REV1: variants seen among roughly 807,000 people sequenced by gnomAD.
REV1 encodes the protein translesion synthesis protein REV1.
Under a neutral mutation model 137.4 loss-of-function variants are expected in REV1, and 42 were observed. That is an observed-to-expected ratio of 0.31 (90% CI 0.24 to 0.40). The LOEUF is 0.40. Ranked by LOEUF, REV1 falls within the 10% of genes least tolerant of loss-of-function variation. The pLI, the probability that REV1 is intolerant of heterozygous loss-of-function variation, is 1.00. For synonymous variants in REV1, 524 were observed against 519.2 expected, an observed-to-expected ratio of 1.01 and a Z score of -0.12; for missense variants, 1,282 against 1,490.1, an observed-to-expected ratio of 0.86 and a Z score of 2.30.
intron 1 of REV1, among the ~76,000 whole-genome samples, chr2:99,468,084 G>A: frequency 6.6e-6 from 1 of 152,050 alleles, no homozygotes; most frequent in East Asian, 1.9e-4. Flanking sequence ...GAAGGCTGAG[G>A]CAGGAGAATC....
intron 12 of REV1, among the ~76,000 whole-genome samples, chr2:99,414,520 C>T (rs1677595442): frequency 6.6e-6 from 1 of 151,842 alleles, no homozygotes; most frequent in African/African-American, 2.4e-5. Context: ...TTAAGTGAAA[C>T]CTAAGTGCTT....
chr2:99,446,758 G>A (rs945426538), intron 4 of REV1, among the ~76,000 whole-genome samples: 1 of 152,118 alleles, frequency 6.6e-6, no homozygotes, highest in Non-Finnish European at 1.5e-5. Context: ...CTCCCAAAGT[G>A]GGGGGATTAC....
chr2:99,421,144 C>T (rs910133746), intron 11 of REV1, among the ~76,000 whole-genome samples: 5 of 151,988 alleles, frequency 3.3e-5, no homozygotes, highest in African/African-American at 1.2e-4. Flanking sequence ...GGCTGAAGTG[C>T]AGAGAGTAAC....
In REV1 at chr2:99,439,300, C is replaced by T. The variant is rs759209603; in HGVS notation, c.514G>A (p.Val172Ile). ...TCATTTTCCGTTTCAATCTTCTTAA[C>T]GATGTGATTTCTAAAGCAGGAAAAA... The part of the protein sequence containing the change: ...KQLNNRVNHI[V>I]KKIETENEVK... Residue 172 changes from valine to isoleucine, a missense_variant, in exon 6 of 23, where the codon GTT becomes ATT. Around this residue, in one of 7 missense-constraint regions of REV1, gnomAD observed 432 missense variants for 438.0 expected, o/e 0.99. Transcript: ENST00000258428. The T allele has an allele frequency of 2.9e-5, 46 of 1,604,174 alleles. No individual in the cohort carries two copies. The highest frequency in any genetic ancestry group is 3.7e-5 in the Non-Finnish European group (43 of 1,173,824).
intron 1 of REV1, among the ~76,000 whole-genome samples, chr2:99,489,290 G>GA (rs1307081169): frequency 6.6e-6 from 1 of 152,192 alleles, no homozygotes; most frequent in Non-Finnish European, 1.5e-5. Flanking sequence ...GCGGGGTGCG[G>GA]AAAAACGCTG....
intron 22 of REV1, 32 bp from the exon 23 acceptor site, chr2:99,401,384 G>A: frequency 6.9e-7 from 1 of 1,441,916 alleles, no homozygotes; most frequent in Middle Eastern, 1.8e-4. Flanking sequence ...ATGTCATTAG[G>A]AATTAGGAAA....
At chr2:99,454,661 G>A (rs1683342606) in intron 3 of REV1, among the ~76,000 whole-genome samples, 3 of 150,380 alleles carry the variant, frequency 2.0e-5, no homozygotes, top group Admixed American at 6.7e-5. Flanking sequence ...AGGAAGATCC[G>A]TTGAGCTCAG....
In REV1 at chr2:99,401,185, A is replaced by G; in HGVS notation, c.*56T>C. The G allele has an allele frequency of 9.5e-7, 1 of 1,057,922 alleles. No individual in the cohort carries two copies. 65.5% of individuals were successfully genotyped at this position (1,057,922 alleles called of 1,614,324 possible). ...CATTACTATCATGCACTTTGCAAATACCTCACAAGCACTTATGGCACAGCT... is the reference window on the plus strand; with the variant it reads ...CATTACTATCATGCACTTTGCAAATGCCTCACAAGCACTTATGGCACAGCT... On this transcript the variant is annotated 3_prime_UTR_variant, in exon 23 of 23. Coordinates refer to ENST00000258428, the MANE Select transcript of REV1 (RefSeq NM_016316.4).
intron 9 of REV1, among the ~76,000 whole-genome samples, chr2:99,429,124 G>T (rs1274256903): frequency 6.6e-6 from 1 of 151,930 alleles, no homozygotes; most frequent in East Asian, 1.9e-4. Flanking sequence ...TCTGTGTTTG[G>T]TTGACAAGGA....
chr2:99,412,000 G>T (rs1199218410), intron 13 of REV1, among the ~76,000 whole-genome samples: 1 of 151,236 alleles, frequency 6.6e-6, no homozygotes, highest in Non-Finnish European at 1.5e-5. Context: ...TTAGGAGGCT[G>T]AGGCGGGCAG....
chr2:99,409,755 A>ATTGCTTGAACCCAGGAGGTAGAAG (rs1676837319), intron 14 of REV1, among the ~76,000 whole-genome samples: 1 of 146,590 alleles, frequency 6.8e-6, no homozygotes, highest in African/African-American at 2.5e-5. Flanking sequence ...AGACAGGAGG[A>ATTGCTTGAACCCAGGAGGTAGAAG]TTGCTTGAAC....
At chr2:99,453,370 G>T (rs1478101658) in intron 3 of REV1, among the ~76,000 whole-genome samples, 2 of 143,640 alleles carry the variant, frequency 1.4e-5, no homozygotes, top group Non-Finnish European at 3.0e-5. Context: ...AAAAAAAAAA[G>T]AATTATGTGT....
rs571631929 is a variant in REV1, at chr2:99,422,221, C to A, written c.1677-568G>T. On this transcript the variant is annotated intron_variant, in intron 10 of 22. Coordinates refer to ENST00000258428, the MANE Select transcript of REV1 (RefSeq NM_016316.4). The stretch of plus-strand genomic sequence containing the variant: ...TGAGAATAGTTATCTACACTCTCTG[C>A]ATGTGGACATACTTTTTAAAAAATC... Among the ~76,000 whole-genome samples the A allele has an allele frequency of 3.3e-5, 5 of 152,304 alleles. No homozygotes were observed. In the South Asian group the frequency reaches 1.0e-3, roughly 32 times the overall value.
rs924171106 is a variant in REV1, at chr2:99,404,326, C to T, written c.3045+118G>A. 17 of 764,806 alleles carry T rather than the reference C, an allele frequency of 2.2e-5. 1 individual carries two copies. The highest frequency in any genetic ancestry group is 3.7e-5 in the Non-Finnish European group (17 of 463,994). 47.4% of individuals were successfully genotyped at this position (764,806 alleles called of 1,614,324 possible). A position where few individuals can be genotyped will look rare whatever the true frequency, so the allele number is the denominator to read the frequency against. On this transcript the variant is annotated intron_variant, in intron 18 of 22. Coordinates refer to ENST00000258428, the MANE Select transcript of REV1 (RefSeq NM_016316.4). ...CCACTCTCCCCTCCCCTCCCCTCCC[C>T]TCCCCAGTGGATGTGGTGTCAGATA...
intron 4 of REV1, among the ~76,000 whole-genome samples, chr2:99,447,658 G>A (rs984745031): frequency 6.6e-6 from 1 of 151,958 alleles, no homozygotes; most frequent in African/African-American, 2.4e-5. Flanking sequence ...AACCACAGCA[G>A]GCAGATATTA....
chr2:99,443,575 ATATAAT>A (rs1236233787), intron 4 of REV1, among the ~76,000 whole-genome samples: 1 of 152,218 alleles, frequency 6.6e-6, no homozygotes, highest in Non-Finnish European at 1.5e-5. Flanking sequence ...TATGTCCTTT[ATATAAT>A]TATGTCAATA....
At chr2:99,427,972 CCAAA>C (rs918878294) in intron 9 of REV1, among the ~76,000 whole-genome samples, 33 of 152,186 alleles carry the variant, frequency 2.2e-4, no homozygotes, top group African/African-American at 7.7e-4. Context: ...AATGCACCAT[CCAAA>C]CACCCAACAG....
rs1244641671 is a variant in REV1 at position 99,454,569 on chromosome 2, A to C, written c.182-5065T>G. ...CCAGCTCAAAAAAAAAAAAAAAAAAAAAAAAAAAAAAAAAAAAAAAAACCC... is the reference window on the plus strand; with the variant it reads ...CCAGCTCAAAAAAAAAAAAAAAAAACAAAAAAAAAAAAAAAAAAAAAACCC... On this transcript the variant is annotated intron_variant, in intron 3 of 22. Coordinates refer to ENST00000258428, the MANE Select transcript of REV1 (RefSeq NM_016316.4). Among the ~76,000 whole-genome samples the C allele has an allele frequency of 5.6e-5, 8 of 142,420 alleles. 1 individual carries two copies. The highest frequency in any genetic ancestry group is 1.2e-4 in the Non-Finnish European group (8 of 64,252). 93.4% of individuals were successfully genotyped at this position (142,420 alleles called of 152,430 possible).
chr2:99,451,570 C>T, intron 3 of REV1: 1 of 1,024,108 alleles, frequency 9.8e-7, no homozygotes, highest in South Asian at 1.3e-5. Flanking sequence ...AGCTTTCACA[C>T]TCCTGAGTTG....
Sources: gnomAD v4.1 joint callset for allele counts (sites outside exome capture counted in the v4.1 genomes callset) on GRCh38, gnomAD v4.1.1 for gene constraint, gnomAD v4.1.1 regional missense constraint, MANE v1.5 for transcripts, NCBI Gene and HGNC (gene_info 2026-07-23, HGNC 2026-07-21) for gene names.